The following DNAH3 variants were observed in gnomAD, a reference collection of about 807,000 sequenced individuals.
The protein encoded by DNAH3 is dynein axonemal heavy chain 3, also known as axonemal beta dynein heavy chain 3.
A neutral mutation model predicts 432.5 loss-of-function variants in DNAH3; 332 were observed. The observed-to-expected ratio is 0.77, with a 90% CI of 0.70 to 0.84. The LOEUF (loss-of-function observed/expected upper bound fraction) is 0.84, where lower values mean the gene tolerates loss of function less well. Ranked by LOEUF, DNAH3 falls within the 40% of genes least tolerant of loss-of-function variation. The pLI, the probability that DNAH3 is intolerant of heterozygous loss-of-function variation, is 0.00. For synonymous variants in DNAH3, 1,956 were observed against 1,900.2 expected, an observed-to-expected ratio of 1.03 and a Z score of -0.76; for missense variants, 4,861 against 5,114.0, an observed-to-expected ratio of 0.95 and a Z score of 1.51.
chr16:20,937,669 C>T (rs1018867159), intron 59 of DNAH3, among the ~76,000 whole-genome samples: 1 of 151,582 alleles, frequency 6.6e-6, no homozygotes, highest in Non-Finnish European at 1.5e-5. Flanking sequence ...GCTGGGACTA[C>T]AGGCACATGC....
At chr16:21,114,784 C>T (rs1289779084) in intron 12 of DNAH3, among the ~76,000 whole-genome samples, 1 of 152,184 alleles carries the variant, frequency 6.6e-6, no homozygotes, top group Non-Finnish European at 1.5e-5. Context: ...CACTTTTACA[C>T]TGTTGGTGGG....
intron 48 of DNAH3, among the ~76,000 whole-genome samples, chr16:20,983,580 G>A (rs1197096029): frequency 6.6e-6 from 1 of 152,040 alleles, no homozygotes; most frequent in African/African-American, 2.4e-5. Context: ...TTGCTGTGAG[G>A]TCATCTGCTT....
At chr16:21,050,882 A>G (rs2089925796) in intron 29 of DNAH3, among the ~76,000 whole-genome samples, 1 of 152,248 alleles carries the variant, frequency 6.6e-6, no homozygotes, top group Non-Finnish European at 1.5e-5. Context: ...TCCATGGCCC[A>G]TGGTATGAGT....
intron 44 of DNAH3, among the ~76,000 whole-genome samples, chr16:20,992,232 G>A (rs2086588084): frequency 6.6e-6 from 1 of 151,912 alleles, no homozygotes. Flanking sequence ...TCTTTGGTGA[G>A]TGAAAGCCTC....
At chr16:21,036,671 CAAACAGTA>C in intron 35 of DNAH3, 35 bp downstream of exon 35, 1 of 1,587,406 alleles carries the variant, frequency 6.3e-7, no homozygotes, top group Admixed American at 1.8e-5. Context: ...CTGACTTCAG[CAAACAGTA>C]AAACAGGCAC....
chr16:21,144,085 G>A (rs544662493), intron 3 of DNAH3, among the ~76,000 whole-genome samples: 2 of 152,234 alleles, frequency 1.3e-5, no homozygotes, highest in South Asian at 2.1e-4. Context: ...ATATCCTTAT[G>A]CCAATATACC....
exon 58 of DNAH3, chr16:20,944,609 C>G: frequency 6.2e-7 from 1 of 1,614,026 alleles, no homozygotes; most frequent in Non-Finnish European, 8.5e-7. Context: ...TCATGGAGGC[C>G]GAACACTTCT....
rs1446577411 is a variant in DNAH3, at chr16:21,025,307, GATA to G, written c.5541-609_5541-607del. Among the ~76,000 whole-genome samples, 7 of 149,798 alleles carry G rather than the reference GATA, an allele frequency of 4.7e-5. No homozygotes were observed. In the South Asian group the frequency reaches 1.3e-3, roughly 27 times the overall value. ...AATTAAAAAGGGGTACCATGTTATA[GATA>G]ATATTTTGATCTTACTTTTATTATT... is the stretch of plus-strand genomic sequence containing the variant. On this transcript the variant is annotated intron_variant, in intron 38 of 61. Transcript: ENST00000261383.
At chr16:21,146,244 G>A (rs2092781960) in intron 1 of DNAH3, among the ~76,000 whole-genome samples, 156 bp from the exon 3 acceptor site, 1 of 152,068 alleles carries the variant, frequency 6.6e-6, no homozygotes, top group African/African-American at 2.4e-5. Context: ...CATTATGTAT[G>A]TTTCATTTAT....
intron 11 of DNAH3, among the ~76,000 whole-genome samples, chr16:21,119,882 G>A (rs1424812243): frequency 6.6e-6 from 1 of 150,388 alleles, no homozygotes; most frequent in East Asian, 1.9e-4. Context: ...TAGAGACGGG[G>A]TTTCACCATG....
At chr16:20,974,329 C>T (rs1171053778) in intron 51 of DNAH3, among the ~76,000 whole-genome samples, 1 of 152,074 alleles carries the variant, frequency 6.6e-6, no homozygotes, top group Non-Finnish European at 1.5e-5. Flanking sequence ...TGAGCCACTG[C>T]CCCTGGCCAC....
intron 51 of DNAH3, among the ~76,000 whole-genome samples, chr16:20,974,126 C>A (rs766210481): frequency 2.6e-5 from 4 of 151,758 alleles, no homozygotes; most frequent in African/African-American, 4.8e-5. Context: ...GGCTCAGGAC[C>A]CTCCCACCTC....
chr16:21,131,943 A>G (rs2092570925), intron 7 of DNAH3, among the ~76,000 whole-genome samples: 1 of 152,102 alleles, frequency 6.6e-6, no homozygotes, highest in Admixed American at 6.6e-5. Context: ...ATTTCTCTCA[A>G]ATTATACTAT....
In DNAH3 at chr16:21,007,769, T is replaced by C. The variant is rs530219070; in HGVS notation, c.6023-4562A>G. Among the ~76,000 whole-genome samples the C allele has an allele frequency of 2.2e-4, 34 of 152,328 alleles. No homozygotes were observed. The South Asian group carries it at 6.6e-3, about 30-fold the overall frequency. ...GTGCTTTTGTTGTCTTAAGACATCA[T>C]TGCCTACTCCAAATCATAAAAATGT... On this transcript the variant is annotated intron_variant, in intron 41 of 61. Coordinates refer to ENST00000261383, the Ensembl canonical transcript of DNAH3.
exon 62 of DNAH3, chr16:20,933,458 T>C (rs1486676865): frequency 4.3e-6 from 7 of 1,612,888 alleles, no homozygotes; most frequent in South Asian, 3.3e-5. Flanking sequence ...CCCTTTGATG[T>C]AGGCCCCATC....
chr16:21,101,633 T>C (rs778547542), intron 16 of DNAH3, among the ~76,000 whole-genome samples: 1 of 152,036 alleles, frequency 6.6e-6, no homozygotes. Flanking sequence ...AAGGAACAAA[T>C]AGCAGACAGT....
At chr16:20,934,661 A>G (rs778135253) in intron 61 of DNAH3, among the ~76,000 whole-genome samples, 2 of 152,234 alleles carry the variant, frequency 1.3e-5, no homozygotes, top group Non-Finnish European at 2.9e-5. Flanking sequence ...AACCATTGCA[A>G]GTAAAGGACT....
At chr16:21,147,504 C>A (rs1312258072) in intron 1 of DNAH3, among the ~76,000 whole-genome samples, 7 of 152,242 alleles carry the variant, frequency 4.6e-5, no homozygotes, top group African/African-American at 1.7e-4. Flanking sequence ...GCATAAGCCA[C>A]TCCACCAGGT....
intron 53 of DNAH3, among the ~76,000 whole-genome samples, chr16:20,960,007 A>AAT (rs879803092): frequency 8.5e-5 from 13 of 152,204 alleles, no homozygotes; most frequent in Non-Finnish European, 1.8e-4. Context: ...TGTAAAGTGA[A>AAT]ATAAGTCTCT....
Sources: allele counts gnomAD v4.1 joint callset (sites outside exome capture counted in the v4.1 genomes callset), GRCh38; gene constraint gnomAD v4.1.1; transcripts MANE v1.5; gene names NCBI Gene and HGNC (gene_info 2026-07-23, HGNC 2026-07-21).